The following TCF12 variants were observed in gnomAD, a reference collection of about 807,000 sequenced individuals.
The protein encoded by TCF12 is DNA-binding protein HTF4.
TCF12 carries 45 observed loss-of-function variants against 86.0 expected under a neutral mutation model. That is an observed-to-expected ratio of 0.52 (90% confidence interval 0.41 to 0.67). The LOEUF is 0.67. Ranked by LOEUF, TCF12 falls within the 30% of genes least tolerant of loss-of-function variation. The pLI is 0.00. For synonymous variants in TCF12, 330 were observed against 299.6 expected, an observed-to-expected ratio of 1.10 and a Z score of -1.05; for missense variants, 881 against 859.9, an observed-to-expected ratio of 1.02 and a Z score of -0.31.
chr15:57,161,618 T>G (rs1190685283), intron 5 of TCF12, among the ~76,000 whole-genome samples: 1 of 152,084 alleles, frequency 6.6e-6, no homozygotes, highest in Non-Finnish European at 1.5e-5. Flanking sequence ...TAACCTGGAG[T>G]CCAGAGAATC....
At chr15:57,243,029 A>G (rs2059701679) in intron 12 of TCF12, among the ~76,000 whole-genome samples, 1 of 152,212 alleles carries the variant, frequency 6.6e-6, no homozygotes, top group South Asian at 2.1e-4. Flanking sequence ...GGTAACTATT[A>G]AAAAGATTAT....
At chr15:56,942,899 T>C (rs1595782651) in intron 3 of TCF12, among the ~76,000 whole-genome samples, 1 of 152,188 alleles carries the variant, frequency 6.6e-6, no homozygotes, top group Admixed American at 6.5e-5. Context: ...CTAGGTGACA[T>C]GGGAAGAAAG....
At chr15:56,959,549 G>A (rs185864373) in intron 3 of TCF12, among the ~76,000 whole-genome samples, 366 of 152,312 alleles carry the variant, frequency 2.4e-3, no homozygotes, top group Non-Finnish European at 4.4e-3. Context: ...CTAGGTTCAT[G>A]AAAAGCTGAA....
intron 19 of TCF12, chr15:57,278,696 CT>C: frequency 5.8e-6 from 1 of 171,984 alleles, no homozygotes; most frequent in South Asian, 1.5e-4. Flanking sequence ...CCCTCTCCCT[CT>C]CTCTCCCTCC....
chr15:57,003,768 A>G (rs1171709152), intron 3 of TCF12, among the ~76,000 whole-genome samples: 1 of 152,216 alleles, frequency 6.6e-6, no homozygotes, highest in African/African-American at 2.4e-5. Flanking sequence ...GAATCCGTGA[A>G]TAATGAAGAT....
rs2060166312 is a variant in TCF12 at position 57,252,548 on chromosome 15, C to G, written c.1260+56C>G. 3.5e-6 allele frequency: 5 copies of G among 1,428,978 alleles called. No homozygotes were observed. In the Admixed American group the frequency reaches 6.9e-5, roughly 20 times the overall value. The allele number at this position is 1,428,978 out of a possible 1,614,324, so 88.5% of individuals were successfully genotyped here. A position where few individuals can be genotyped will look rare whatever the true frequency, so the allele number is the denominator to read the frequency against. On this transcript the variant is annotated intron_variant, in intron 15 of 20. Transcript: ENST00000333725. ...GTGTTTCAATTAATTATACTTCCCA[C>G]TATTCATTTAAAATCTTTAAGCTGT... is the stretch of plus-strand genomic sequence containing the variant.
intron 3 of TCF12, among the ~76,000 whole-genome samples, chr15:57,051,777 C>T (rs1198776634): frequency 2.0e-5 from 3 of 152,146 alleles, no homozygotes; most frequent in Non-Finnish European, 4.4e-5. Flanking sequence ...AGTTTCAGGT[C>T]TTATGTTTAA....
At chr15:56,936,069 C>T (rs572059129) in intron 3 of TCF12, among the ~76,000 whole-genome samples, 2 of 152,166 alleles carry the variant, frequency 1.3e-5, no homozygotes, top group African/African-American at 4.8e-5. Context: ...AATCACCACA[C>T]TGTTTTCTGT....
At chr15:57,049,951 A>G (rs2067498578) in intron 3 of TCF12, among the ~76,000 whole-genome samples, 1 of 152,142 alleles carries the variant, frequency 6.6e-6, no homozygotes. Flanking sequence ...TTTTGTATTC[A>G]GTTTTAATTC....
chr15:57,061,955 T>TG (rs1221198246), intron 3 of TCF12, among the ~76,000 whole-genome samples: 23 of 151,692 alleles, frequency 1.5e-4, no homozygotes, highest in African/African-American at 4.4e-4. Context: ...ATGGTAACAG[T>TG]GTTTTTTTTT....
chr15:56,925,888 C>T (rs1213207416), intron 3 of TCF12, among the ~76,000 whole-genome samples: 1 of 152,184 alleles, frequency 6.6e-6, no homozygotes, highest in East Asian at 1.9e-4. Context: ...TAATGAATGA[C>T]AGTCTGCTTT....
chr15:56,938,679 C>G (rs1229013220), intron 3 of TCF12, among the ~76,000 whole-genome samples: 2 of 145,376 alleles, frequency 1.4e-5, no homozygotes, highest in African/African-American at 2.5e-5. Flanking sequence ...TTTTTTATTA[C>G]CATTTCAGTG....
At chr15:57,094,382 G>C (rs1378695716) in intron 5 of TCF12, among the ~76,000 whole-genome samples, 1 of 152,130 alleles carries the variant, frequency 6.6e-6, no homozygotes, top group African/African-American at 2.4e-5. Flanking sequence ...AGGTACCTTA[G>C]TGTAAACAAT....
chr15:56,919,790 G>GC, intron 1 of TCF12, 102 bp from the exon 2 acceptor site: 1 of 1,007,542 alleles, frequency 9.9e-7, no homozygotes, highest in Non-Finnish European at 1.4e-6. Flanking sequence ...TCATCCCGGC[G>GC]CCCCCAGCGC....
At chr15:56,997,768 A>G (rs2063791792) in intron 3 of TCF12, among the ~76,000 whole-genome samples, 1 of 152,232 alleles carries the variant, frequency 6.6e-6, no homozygotes, top group South Asian at 2.1e-4. Flanking sequence ...CAAATCAATT[A>G]AAAGTTTGTC....
intron 4 of TCF12, among the ~76,000 whole-genome samples, chr15:57,067,131 G>A (rs576045039): frequency 2.0e-5 from 3 of 152,270 alleles, no homozygotes; most frequent in African/African-American, 7.2e-5. Context: ...AAATCCACCA[G>A]AAAAGTAGCC....
intron 11 of TCF12, among the ~76,000 whole-genome samples, chr15:57,233,174 A>G (rs2059235730): frequency 6.6e-6 from 1 of 150,922 alleles, no homozygotes; most frequent in Admixed American, 6.6e-5. Flanking sequence ...ATATATATGT[A>G]TGTTGTTTGT....
intron 4 of TCF12, among the ~76,000 whole-genome samples, chr15:57,080,597 A>G (rs988352555): frequency 2.0e-5 from 3 of 152,184 alleles, no homozygotes; most frequent in African/African-American, 7.2e-5. Flanking sequence ...GCCCCCTATC[A>G]TGCTGTTTCT....
At chr15:57,251,109 G>GTAGC in intron 13 of TCF12, 1 of 407,734 alleles carries the variant, frequency 2.5e-6, no homozygotes, top group East Asian at 4.2e-5. Context: ...AAACATAAAG[G>GTAGC]TAGCTGTATT....
Sources: allele counts gnomAD v4.1 joint callset (sites outside exome capture counted in the v4.1 genomes callset), GRCh38; gene constraint gnomAD v4.1.1; transcripts MANE v1.5; gene names NCBI Gene and HGNC (gene_info 2026-07-23, HGNC 2026-07-21).